Variants in TACR1 observed in about 807,000 individuals in gnomAD.
TACR1 encodes the protein tachykinin receptor 1.
Under a neutral mutation model 35.8 loss-of-function variants are expected in TACR1, and 25 were observed. The ratio of observed to expected loss-of-function variants is 0.70; its 90% CI spans 0.51 to 0.98. TACR1 has a LOEUF of 0.98. TACR1 is among the 50% of genes least tolerant of loss of function. The pLI, the probability that TACR1 is intolerant of heterozygous loss-of-function variation, is 0.00. For synonymous variants in TACR1, 195 were observed against 206.7 expected, an observed-to-expected ratio of 0.94 and a Z score of 0.48; for missense variants, 478 against 522.9, an observed-to-expected ratio of 0.91 and a Z score of 0.84.
intron 2 of TACR1, among the ~76,000 whole-genome samples, chr2:75,095,681 C>T (rs759879294): frequency 5.3e-5 from 8 of 152,120 alleles, no homozygotes; most frequent in African/African-American, 7.2e-5. Context: ...AATTAGCGCT[C>T]GCCTAATATC....
At chr2:75,191,024 T>G (rs146754799) in intron 1 of TACR1, among the ~76,000 whole-genome samples, 8 of 152,334 alleles carry the variant, frequency 5.3e-5, no homozygotes, top group Non-Finnish European at 1.2e-4. Context: ...TTAAAACTCA[T>G]GCTGATTCGT....
At chr2:75,172,030 A>G (rs748598852) in intron 1 of TACR1, among the ~76,000 whole-genome samples, 1 of 152,242 alleles carries the variant, frequency 6.6e-6, no homozygotes, top group Non-Finnish European at 1.5e-5. Flanking sequence ...GTATTTCTTC[A>G]TAGCAGTATG....
intron 2 of TACR1, among the ~76,000 whole-genome samples, chr2:75,105,511 G>A (rs574038849): frequency 2.0e-5 from 3 of 152,094 alleles, no homozygotes; most frequent in Non-Finnish European, 2.9e-5. Flanking sequence ...ATTGCTAAGA[G>A]AGTAGATCTT....
At chr2:75,132,424 T>G (rs1674196122) in intron 1 of TACR1, among the ~76,000 whole-genome samples, 1 of 152,244 alleles carries the variant, frequency 6.6e-6, no homozygotes, top group Admixed American at 6.5e-5. Context: ...TTTTAACTGT[T>G]ATTATTGTTC....
At chr2:75,076,449 C>G (rs17010734) in intron 2 of TACR1, among the ~76,000 whole-genome samples, 29,746 of 152,062 alleles carry the variant, frequency 0.2, 3,426 homozygotes, top group Admixed American at 0.32. Flanking sequence ...CTTCTTGGAG[C>G]TACATGTTTG....
intron 1 of TACR1, among the ~76,000 whole-genome samples, chr2:75,178,921 C>G (rs1214996820): frequency 6.6e-6 from 1 of 152,182 alleles, no homozygotes; most frequent in Non-Finnish European, 1.5e-5. Context: ...GGGAAAATGT[C>G]TCTATCTCCC....
chr2:75,157,353 A>AAGTGACTTT (rs1674888552), intron 1 of TACR1, among the ~76,000 whole-genome samples: 1 of 152,176 alleles, frequency 6.6e-6, no homozygotes, highest in African/African-American at 2.4e-5. Context: ...GACTTTGGGT[A>AAGTGACTTT]GGTACTCAAG....
intron 1 of TACR1, among the ~76,000 whole-genome samples, chr2:75,149,494 T>C (rs532386307): frequency 6.6e-6 from 1 of 152,278 alleles, no homozygotes; most frequent in Non-Finnish European, 1.5e-5. Context: ...TGATTCTCTT[T>C]GTAGCAATTG....
chr2:75,154,514 ACACACACACACACT>A (rs1674789925), intron 1 of TACR1: 2 of 144,814 alleles, frequency 1.4e-5, no homozygotes, highest in African/African-American at 5.2e-5. Flanking sequence ...ACACACACAC[ACACACACACACACT>A]CTCTGAAGAA....
intron 2 of TACR1, among the ~76,000 whole-genome samples, chr2:75,107,777 A>G (rs1295961275): frequency 6.6e-6 from 1 of 152,032 alleles, no homozygotes; most frequent in Non-Finnish European, 1.5e-5. Flanking sequence ...AAATGAACTG[A>G]GTATTAAAAT....
chr2:75,179,311 C>T (rs6709928), intron 1 of TACR1, among the ~76,000 whole-genome samples: 64,513 of 151,702 alleles, frequency 0.43, 14,585 homozygotes, highest in Non-Finnish European at 0.49. Context: ...GATCCCTTCT[C>T]ACCATGTCTA....
chr2:75,179,945 T>TG (rs1188811289), intron 1 of TACR1, among the ~76,000 whole-genome samples: 1 of 152,150 alleles, frequency 6.6e-6, no homozygotes, highest in Non-Finnish European at 1.5e-5. Flanking sequence ...GACTAATAAT[T>TG]GTGGTCTATA....
intron 1 of TACR1, among the ~76,000 whole-genome samples, chr2:75,185,336 A>G (rs1027931899): frequency 9.2e-5 from 14 of 152,072 alleles, no homozygotes; most frequent in African/African-American, 3.4e-4. Flanking sequence ...CTTTTTATGC[A>G]TAATAACAAA....
intron 4 of TACR1, 80 bp downstream of exon 4, chr2:75,051,171 C>T (rs1672460059): frequency 6.3e-7 from 1 of 1,586,860 alleles, no homozygotes; most frequent in Admixed American, 1.7e-5. Context: ...TGGGTTTACT[C>T]ATTTAGGATG....
At chr2:75,185,445 A>C (rs971473126) in intron 1 of TACR1, among the ~76,000 whole-genome samples, 3 of 152,020 alleles carry the variant, frequency 2.0e-5, no homozygotes, top group South Asian at 2.1e-4. Flanking sequence ...AAATATAAAA[A>C]ATTTTTATAT....
chr2:75,075,560 A>G (rs1244034837), intron 2 of TACR1, among the ~76,000 whole-genome samples: 3 of 152,246 alleles, frequency 2.0e-5, no homozygotes, highest in African/African-American at 7.2e-5. Flanking sequence ...TGCTATATAC[A>G]TTCATTTGTA....
chr2:75,053,950 A>G (rs1056178819), intron 2 of TACR1, among the ~76,000 whole-genome samples, 195 bp from the exon 3 acceptor site: 1 of 152,206 alleles, frequency 6.6e-6, no homozygotes, highest in Non-Finnish European at 1.5e-5. Context: ...TAATGAATAC[A>G]CTACAGAAAA....
At chr2:75,120,794 T>C (rs2103909566) in intron 1 of TACR1, 26 bp from the exon 2 acceptor site, 1 of 1,551,682 alleles carries the variant, frequency 6.4e-7, no homozygotes. Flanking sequence ...AAGAACAAAG[T>C]TCTGATCTGG....
intron 1 of TACR1, among the ~76,000 whole-genome samples, chr2:75,127,792 T>C (rs1674102827): frequency 6.6e-6 from 1 of 152,242 alleles, no homozygotes; most frequent in Non-Finnish European, 1.5e-5. Flanking sequence ...CAGCCTTGTC[T>C]AGATTCTACT....
Sources: gnomAD v4.1 joint callset for allele counts (sites outside exome capture counted in the v4.1 genomes callset) on GRCh38, gnomAD v4.1.1 for gene constraint, MANE v1.5 for transcripts, NCBI Gene and HGNC (gene_info 2026-07-23, HGNC 2026-07-21) for gene names.